The following FHIT variants were observed in gnomAD, a reference collection of about 807,000 sequenced individuals.
FHIT encodes fragile histidine triad diadenosine triphosphatase.
Under a neutral mutation model 17.9 loss-of-function variants are expected in FHIT, and 19 were observed. The observed-to-expected ratio is 1.06, with a 90% CI of 0.74 to 1.56. The LOEUF is 1.56. FHIT is among the 40% of genes most tolerant of loss of function. FHIT has a pLI of 0.00. For synonymous variants in FHIT, 81 were observed against 69.7 expected (o/e 1.16, Z -0.81); for missense variants, 248 against 189.2 (o/e 1.31, Z -1.82).
intron 5 of FHIT, among the ~76,000 whole-genome samples, chr3:60,099,140 T>A (rs1704088130): frequency 6.6e-6 from 1 of 152,166 alleles, no homozygotes; most frequent in Non-Finnish European, 1.5e-5. Flanking sequence ...CATGCGCTGT[T>A]GCCTGAACAT....
chr3:60,115,393 A>G (rs1205117234), intron 5 of FHIT, among the ~76,000 whole-genome samples: 1 of 152,202 alleles, frequency 6.6e-6, no homozygotes, highest in Non-Finnish European at 1.5e-5. Flanking sequence ...GTGGTTAACT[A>G]CCATATGATA....
intron 3 of FHIT, among the ~76,000 whole-genome samples, chr3:60,845,541 G>T (rs577905111): frequency 2.0e-5 from 3 of 152,138 alleles, no homozygotes; most frequent in African/African-American, 7.2e-5. Context: ...TCTTGGAGAG[G>T]TAAAAATAAA....
At chr3:60,256,517 T>G (rs988802878) in intron 5 of FHIT, among the ~76,000 whole-genome samples, 1 of 152,206 alleles carries the variant, frequency 6.6e-6, no homozygotes, top group African/African-American at 2.4e-5. Flanking sequence ...GACCCTATGG[T>G]TACGCCATTT....
intron 3 of FHIT, among the ~76,000 whole-genome samples, chr3:60,951,788 T>C (rs1462152111): frequency 1.3e-5 from 2 of 152,206 alleles, no homozygotes; most frequent in Admixed American, 6.5e-5. Flanking sequence ...ACAGACCTTG[T>C]TCTTCATTAA....
chr3:61,092,374 T>A (rs2106816935), intron 2 of FHIT, among the ~76,000 whole-genome samples: 1 of 152,264 alleles, frequency 6.6e-6, no homozygotes, highest in East Asian at 1.9e-4. Context: ...TGCACCCTCT[T>A]CTCCATCATC....
chr3:60,171,063 A>G (rs962613605), intron 5 of FHIT, among the ~76,000 whole-genome samples: 14 of 152,164 alleles, frequency 9.2e-5, no homozygotes, highest in African/African-American at 3.1e-4. Flanking sequence ...AAAATTAAAC[A>G]TTTTTCAAAG....
intron 5 of FHIT, among the ~76,000 whole-genome samples, chr3:60,322,030 A>C (rs1709455997): frequency 6.6e-6 from 1 of 152,202 alleles, no homozygotes; most frequent in Non-Finnish European, 1.5e-5. Flanking sequence ...AGACCTTAGC[A>C]ATATTCATCC....
At chr3:60,090,951 C>T (rs114939266) in intron 5 of FHIT, among the ~76,000 whole-genome samples, 1,678 of 152,314 alleles carry the variant, frequency 0.011, 18 homozygotes, top group Non-Finnish European at 0.017. Context: ...AATATGATTT[C>T]AAAACAGTTT....
chr3:60,504,101 C>T (rs1159352512), intron 5 of FHIT, among the ~76,000 whole-genome samples: 1 of 152,132 alleles, frequency 6.6e-6, no homozygotes, highest in Admixed American at 6.5e-5. Context: ...TAAATATAAG[C>T]ATCCAACCAT....
chr3:60,083,327 C>T (rs1042180743), intron 5 of FHIT, among the ~76,000 whole-genome samples: 3 of 151,974 alleles, frequency 2.0e-5, no homozygotes, highest in Admixed American at 1.3e-4. Flanking sequence ...TCTGTTTTCA[C>T]GCCAGTACCA....
At chr3:60,576,112 C>T (rs1045429336) in intron 4 of FHIT, among the ~76,000 whole-genome samples, 4 of 151,900 alleles carry the variant, frequency 2.6e-5, no homozygotes, top group South Asian at 2.1e-4. Flanking sequence ...AAGACAGAGA[C>T]GGGTAGAAGT....
chr3:60,224,050 C>T (rs943253771), intron 5 of FHIT, among the ~76,000 whole-genome samples: 1 of 152,138 alleles, frequency 6.6e-6, no homozygotes, highest in Non-Finnish European at 1.5e-5. Flanking sequence ...CTATATATAA[C>T]TTAAACATTA....
chr3:60,697,203 T>C (rs574868258), intron 4 of FHIT, among the ~76,000 whole-genome samples: 1 of 152,242 alleles, frequency 6.6e-6, no homozygotes, highest in African/African-American at 2.4e-5. Flanking sequence ...GTACCTAAGC[T>C]GGTAATAAAG....
At chr3:60,605,000 A>G (rs539421788) in intron 4 of FHIT, among the ~76,000 whole-genome samples, 8 of 152,202 alleles carry the variant, frequency 5.3e-5, no homozygotes, top group African/African-American at 1.9e-4. Context: ...TGTGATTGTG[A>G]TTTCTCTCAT....
intron 2 of FHIT, among the ~76,000 whole-genome samples, chr3:61,091,053 T>C (rs1361609446): frequency 1.3e-5 from 2 of 152,208 alleles, no homozygotes; most frequent in African/African-American, 4.8e-5. Context: ...AACTTCGTGG[T>C]TGATAAAGAC....
At chr3:60,284,487 G>A (rs1707621669) in intron 5 of FHIT, among the ~76,000 whole-genome samples, 1 of 152,028 alleles carries the variant, frequency 6.6e-6, no homozygotes, top group Non-Finnish European at 1.5e-5. Context: ...TTACAAGGTA[G>A]GTCATCTTAG....
At chr3:60,536,122 G>A (rs2035971547) in intron 5 of FHIT, 2 of 152,144 alleles carry the variant, frequency 1.3e-5, no homozygotes, top group Admixed American at 1.3e-4. Context: ...ACAATCAGGA[G>A]TGAAACTTTT....
chr3:60,596,810 T>C (rs2107706300), intron 4 of FHIT, among the ~76,000 whole-genome samples: 1 of 152,282 alleles, frequency 6.6e-6, no homozygotes, highest in East Asian at 1.9e-4. Context: ...CCTAGCATGC[T>C]GGCTCTTACC....
At chr3:60,740,721 C>T (rs1475378393) in intron 4 of FHIT, among the ~76,000 whole-genome samples, 1 of 152,138 alleles carries the variant, frequency 6.6e-6, no homozygotes, top group Non-Finnish European at 1.5e-5. Flanking sequence ...TTAAACCAGT[C>T]CTTACCCAGC....
Sources: allele counts gnomAD v4.1 joint callset (sites outside exome capture counted in the v4.1 genomes callset), GRCh38; gene constraint gnomAD v4.1.1; transcripts MANE v1.5; gene names NCBI Gene and HGNC (gene_info 2026-07-23, HGNC 2026-07-21).